The following COL25A1 variants were observed in gnomAD, a reference collection of about 807,000 sequenced individuals.
The protein encoded by COL25A1 is collagen type XXV alpha 1 chain.
In COL25A1, 103 loss-of-function variants were observed where a neutral mutation model predicts 128.4. That is an observed-to-expected ratio of 0.80 (90% confidence interval 0.68 to 0.94). The LOEUF (loss-of-function observed/expected upper bound fraction) is 0.94, where lower values mean the gene tolerates loss of function less well. COL25A1 is among the 40% of genes least tolerant of loss of function. The pLI is 0.00. For missense variants in COL25A1, 745 were observed against 840.0 expected (o/e 0.89, Z 1.40); for synonymous variants, 279 against 277.2 (o/e 1.01, Z -0.06).
At chr4:109,079,990 T>C (rs1763703419) in intron 3 of COL25A1, among the ~76,000 whole-genome samples, 1 of 152,062 alleles carries the variant, frequency 6.6e-6, no homozygotes, top group Non-Finnish European at 1.5e-5. Flanking sequence ...TATACTAATA[T>C]CAGTTGAGTG....
intron 3 of COL25A1, among the ~76,000 whole-genome samples, chr4:109,249,604 AG>A (rs1264909584): frequency 3.9e-5 from 6 of 152,340 alleles, no homozygotes; most frequent in Admixed American, 3.9e-4. Context: ...TGATTAAGAT[AG>A]GTTTTAAATC....
At chr4:108,855,769 T>C (rs988618265) in intron 24 of COL25A1, among the ~76,000 whole-genome samples, 1 of 152,156 alleles carries the variant, frequency 6.6e-6, no homozygotes, top group Admixed American at 6.6e-5. Flanking sequence ...ATCCAGCTAA[T>C]AGGTTTCAAT....
At chr4:109,002,732 C>T (rs1172859593) in intron 6 of COL25A1, among the ~76,000 whole-genome samples, 1 of 151,914 alleles carries the variant, frequency 6.6e-6, no homozygotes, top group Non-Finnish European at 1.5e-5. Flanking sequence ...CTTTATTTGT[C>T]TACTAAGTAG....
intron 3 of COL25A1, among the ~76,000 whole-genome samples, chr4:109,297,743 G>A (rs2126290691): frequency 6.6e-6 from 1 of 151,274 alleles, no homozygotes; most frequent in African/African-American, 2.4e-5. Context: ...GAGCTAAGTA[G>A]CATATAATAT....
At chr4:109,143,808 G>A (rs2126090176) in intron 3 of COL25A1, among the ~76,000 whole-genome samples, 1 of 152,194 alleles carries the variant, frequency 6.6e-6, no homozygotes, top group South Asian at 2.1e-4. Flanking sequence ...CCTTTTTCAA[G>A]GTTCTTAGCT....
chr4:109,135,741 C>T (rs1769677403), intron 3 of COL25A1, among the ~76,000 whole-genome samples: 1 of 151,956 alleles, frequency 6.6e-6, no homozygotes, highest in Non-Finnish European at 1.5e-5. Flanking sequence ...GCATGAGAGG[C>T]AAAAATAGAA....
rs938769774 is a variant in COL25A1 at position 108,811,699 on chromosome 4, C to A, written c.*2228G>T. On this transcript the variant is annotated 3_prime_UTR_variant, in exon 38 of 38. Transcript: ENST00000399132. The stretch of plus-strand genomic sequence containing the variant: ...TACGTTATCCTAACACCATGCCATA[C>A]AAGAAATTGTTAGAAAATGTCCTCC... The A allele has an allele frequency of 2.0e-5, 3 of 152,192 alleles. No homozygotes were observed. The highest frequency in any genetic ancestry group is 3.9e-4 in the East Asian group (2 of 5,178). 9.4% of individuals were successfully genotyped at this position (152,192 alleles called of 1,614,324 possible).
chr4:108,853,640 A>G lies in COL25A1; in HGVS notation c.1321-715T>C, dbSNP rs112905461. Among the ~76,000 whole-genome samples, 5 of 152,056 alleles carry G rather than the reference A, an allele frequency of 3.3e-5. No homozygotes were observed. In the East Asian group the frequency reaches 7.8e-4, roughly 24 times the overall value. ...CATCAACTCGTCATCTACATTAGGT[A>G]TTTCTCCAAATGCTATCCCTCCCCT... On this transcript the variant is annotated intron_variant, in intron 24 of 37. Transcript: ENST00000399132.
intron 2 of COL25A1, among the ~76,000 whole-genome samples, chr4:109,301,066 G>A (rs943149167): frequency 1.3e-5 from 2 of 152,028 alleles, no homozygotes; most frequent in South Asian, 4.2e-4. Flanking sequence ...TAGGCTCCCG[G>A]CTAGGGTAAG....
At chr4:108,833,108 C>G (rs1733362460) in intron 31 of COL25A1, among the ~76,000 whole-genome samples, 1 of 151,998 alleles carries the variant, frequency 6.6e-6, no homozygotes, top group South Asian at 2.1e-4. Flanking sequence ...CCACCCTTAA[C>G]CGGGCGTGCT....
chr4:109,152,171 G>GA (rs1470609695), intron 3 of COL25A1, among the ~76,000 whole-genome samples: 1 of 151,222 alleles, frequency 6.6e-6, no homozygotes, highest in Non-Finnish European at 1.5e-5. Flanking sequence ...ATGTATTATG[G>GA]AAAAAACAAT....
chr4:109,023,448 G>A (rs79953431), intron 5 of COL25A1, among the ~76,000 whole-genome samples: 2 of 152,196 alleles, frequency 1.3e-5, no homozygotes, highest in Non-Finnish European at 2.9e-5. Context: ...TGATTAAATA[G>A]TAACAAGATA....
At chr4:108,847,382 G>A (rs761072644) in intron 27 of COL25A1, among the ~76,000 whole-genome samples, 40 of 152,122 alleles carry the variant, frequency 2.6e-4, no homozygotes, top group Non-Finnish European at 4.7e-4. Context: ...AACCGATGGA[G>A]AAAAATTATT....
chr4:109,005,676 C>T (rs952402051), intron 6 of COL25A1, among the ~76,000 whole-genome samples: 5 of 152,028 alleles, frequency 3.3e-5, no homozygotes, highest in South Asian at 2.1e-4. Flanking sequence ...CTGAATGACA[C>T]GGTCATGACT....
At chr4:109,274,831 T>A (rs1307061557) in intron 3 of COL25A1, among the ~76,000 whole-genome samples, 1 of 152,184 alleles carries the variant, frequency 6.6e-6, no homozygotes, top group African/African-American at 2.4e-5. Flanking sequence ...TGTCTAGGAA[T>A]ATTACACTGT....
At chr4:108,868,665 G>A (rs866173605) in intron 20 of COL25A1, among the ~76,000 whole-genome samples, 45 of 147,244 alleles carry the variant, frequency 3.1e-4, no homozygotes, top group African/African-American at 1.0e-3. Flanking sequence ...AGAAGGAAAG[G>A]AAGGGGAAGG....
At chr4:109,030,414 G>A (rs894415572) in intron 5 of COL25A1, among the ~76,000 whole-genome samples, 1 of 152,216 alleles carries the variant, frequency 6.6e-6, no homozygotes, top group Non-Finnish European at 1.5e-5. Context: ...TGCATCTCCA[G>A]AGAGGACAGG....
rs1053055777 is a variant in COL25A1 at position 108,988,472 on chromosome 4, G to A, written c.439-13913C>T. ...GGGTGACTACAATTTCTCATGTGTC[G>A]ACTCATGACACTAAGTCAGGAGAGT... is the stretch of plus-strand genomic sequence containing the variant. On this transcript the variant is annotated intron_variant, in intron 6 of 37. Transcript: ENST00000399132. Among the ~76,000 whole-genome samples the A allele has an allele frequency of 3.3e-5, 5 of 152,082 alleles. No homozygotes were observed. In the East Asian group the frequency reaches 5.8e-4, roughly 18 times the overall value.
intron 19 of COL25A1, among the ~76,000 whole-genome samples, chr4:108,875,904 C>T (rs1194704772): frequency 6.6e-6 from 1 of 152,100 alleles, no homozygotes; most frequent in Non-Finnish European, 1.5e-5. Context: ...GAGTTCATGT[C>T]CTTTGCAAGG....
Sources: allele counts gnomAD v4.1 joint callset (sites outside exome capture counted in the v4.1 genomes callset), GRCh38; gene constraint gnomAD v4.1.1; transcripts MANE v1.5; gene names NCBI Gene and HGNC (gene_info 2026-07-23, HGNC 2026-07-21).